Variants in MIPOL1 observed in about 807,000 individuals in gnomAD.
The protein encoded by MIPOL1 is mirror-image polydactyly 1, also known as mirror-image polydactyly gene 1 protein.
MIPOL1 carries 57 observed loss-of-function variants against 60.9 expected under a neutral mutation model. That is an observed-to-expected ratio of 0.94 (90% CI 0.76 to 1.17). The LOEUF (loss-of-function observed/expected upper bound fraction) is 1.17, where lower values mean the gene tolerates loss of function less well. Ranked by LOEUF, MIPOL1 falls within the 50% of genes most tolerant of loss-of-function variation. The pLI is 0.00. For synonymous variants in MIPOL1, 179 were observed against 168.8 expected (o/e 1.06, Z -0.47); for missense variants, 551 against 511.6 (o/e 1.08, Z -0.74).
intron 9 of MIPOL1, 68 bp from the exon 10 acceptor site, chr14:37,369,449 A>G (rs2092577086): frequency 9.0e-7 from 1 of 1,110,616 alleles, no homozygotes; most frequent in African/African-American, 1.6e-5. Flanking sequence ...ATTTACATTA[A>G]TTCATGTGGC....
intron 11 of MIPOL1, among the ~76,000 whole-genome samples, chr14:37,467,612 G>A (rs1263497183): frequency 1.3e-5 from 2 of 152,138 alleles, no homozygotes; most frequent in Non-Finnish European, 2.9e-5. Context: ...GATCTGCTAT[G>A]CAATAGCACA....
intron 9 of MIPOL1, among the ~76,000 whole-genome samples, chr14:37,364,979 G>T (rs1050694330): frequency 2.6e-5 from 4 of 152,014 alleles, no homozygotes; most frequent in African/African-American, 9.7e-5. Flanking sequence ...AAATGGGAGT[G>T]TTTTCTAAAA....
intron 10 of MIPOL1, among the ~76,000 whole-genome samples, chr14:37,405,112 T>C (rs967200637): frequency 6.6e-6 from 1 of 152,162 alleles, no homozygotes; most frequent in African/African-American, 2.4e-5. Context: ...GTGTTTCTTA[T>C]TGCAACATTT....
At chr14:37,316,747 C>T (rs547426214) in intron 9 of MIPOL1, among the ~76,000 whole-genome samples, 19 of 151,978 alleles carry the variant, frequency 1.3e-4, no homozygotes, top group Non-Finnish European at 1.9e-4. Flanking sequence ...GAGGGCAAGG[C>T]GGGTGGATGA....
intron 10 of MIPOL1, among the ~76,000 whole-genome samples, chr14:37,390,103 C>T (rs903879264): frequency 4.6e-5 from 7 of 151,878 alleles, no homozygotes; most frequent in African/African-American, 1.7e-4. Context: ...CCTGTAATCC[C>T]AGCTACTCCG....
intron 1 of MIPOL1, among the ~76,000 whole-genome samples, chr14:37,223,662 C>G (rs1395864645): frequency 6.6e-6 from 1 of 151,888 alleles, no homozygotes; most frequent in Non-Finnish European, 1.5e-5. Flanking sequence ...ACCACCACGC[C>G]CGGCTAATTT....
chr14:37,374,738 G>C (rs1017956100), intron 10 of MIPOL1, among the ~76,000 whole-genome samples: 1 of 151,972 alleles, frequency 6.6e-6, no homozygotes, highest in East Asian at 1.9e-4. Flanking sequence ...CTGTTTCATT[G>C]GTCTATATAT....
At chr14:37,471,352 C>T (rs1467716734) in intron 11 of MIPOL1, among the ~76,000 whole-genome samples, 1 of 152,110 alleles carries the variant, frequency 6.6e-6, no homozygotes, top group Non-Finnish European at 1.5e-5. Flanking sequence ...TATGTCTGGT[C>T]CAATTAACTA....
At chr14:37,293,353 C>G (rs1026319552) in intron 7 of MIPOL1, among the ~76,000 whole-genome samples, 1 of 152,130 alleles carries the variant, frequency 6.6e-6, no homozygotes, top group Non-Finnish European at 1.5e-5. Flanking sequence ...TGAATAGGAA[C>G]AGCTCCAGTC....
At chr14:37,218,278 T>C (rs750605810) in intron 1 of MIPOL1, among the ~76,000 whole-genome samples, 10 of 152,106 alleles carry the variant, frequency 6.6e-5, no homozygotes, top group Non-Finnish European at 1.3e-4. Flanking sequence ...CCTCCCAGAT[T>C]CAAGCAATTC....
intron 1 of MIPOL1, among the ~76,000 whole-genome samples, chr14:37,232,482 G>C (rs1173309117): frequency 6.6e-6 from 1 of 152,076 alleles, no homozygotes; most frequent in Non-Finnish European, 1.5e-5. Flanking sequence ...ACCAGGACTT[G>C]AGCCATCCAA....
chr14:37,359,182 G>A (rs1049650421), intron 9 of MIPOL1, among the ~76,000 whole-genome samples: 1 of 151,996 alleles, frequency 6.6e-6, no homozygotes, highest in East Asian at 1.9e-4. Flanking sequence ...TGTTCTGTTC[G>A]ATTGGTCTAT....
At chr14:37,226,167 C>A (rs914755755) in intron 1 of MIPOL1, among the ~76,000 whole-genome samples, 1 of 152,184 alleles carries the variant, frequency 6.6e-6, no homozygotes, top group African/African-American at 2.4e-5. Flanking sequence ...CTTCTTCTGA[C>A]CCCTGCAAAC....
intron 9 of MIPOL1, among the ~76,000 whole-genome samples, chr14:37,343,321 A>T (rs1253525504): frequency 1.3e-5 from 2 of 152,154 alleles, no homozygotes; most frequent in Non-Finnish European, 2.9e-5. Context: ...AAGTTATTGT[A>T]ATGTGGAAAA....
chr14:37,341,295 A>T (rs2090555470), intron 9 of MIPOL1, among the ~76,000 whole-genome samples: 1 of 152,226 alleles, frequency 6.6e-6, no homozygotes, highest in Non-Finnish European at 1.5e-5. Context: ...ACATATCTGT[A>T]AAATGTAATA....
intron 11 of MIPOL1, among the ~76,000 whole-genome samples, chr14:37,425,529 A>C (rs1450302874): frequency 6.6e-6 from 1 of 152,160 alleles, no homozygotes; most frequent in Non-Finnish European, 1.5e-5. Flanking sequence ...TGGGATTTGC[A>C]ATTAGACAGC....
intron 9 of MIPOL1, among the ~76,000 whole-genome samples, chr14:37,327,024 C>T (rs1205132857): frequency 6.6e-6 from 1 of 151,888 alleles, no homozygotes; most frequent in Non-Finnish European, 1.5e-5. Flanking sequence ...TTAGAGGAGG[C>T]AGGGAGAAAT....
intron 12 of MIPOL1, among the ~76,000 whole-genome samples, chr14:37,521,904 A>ATGTATATG (rs1423799600): frequency 1.5e-4 from 4 of 26,914 alleles, no homozygotes; most frequent in African/African-American, 4.7e-4. Flanking sequence ...ATATATATAT[A>ATGTATATG]TATATATTTT....
intron 10 of MIPOL1, among the ~76,000 whole-genome samples, chr14:37,416,428 G>A (rs1404522678): frequency 6.6e-6 from 1 of 152,060 alleles, no homozygotes. Context: ...AGGTAGTATA[G>A]CCTACTACAC....
Sources: gnomAD v4.1 joint callset for allele counts (sites outside exome capture counted in the v4.1 genomes callset) on GRCh38, gnomAD v4.1.1 for gene constraint, MANE v1.5 for transcripts, NCBI Gene and HGNC (gene_info 2026-07-23, HGNC 2026-07-21) for gene names.